Variants in SRMS observed in about 807,000 individuals in gnomAD.
SRMS encodes the protein src-related kinase lacking C-terminal regulatory tyrosine and N-terminal myristylation sites, also known as tyrosine-protein kinase Srms.
A neutral mutation model predicts 43.5 loss-of-function variants in SRMS; 42 were observed. The observed-to-expected ratio is 0.97, with a 90% CI of 0.75 to 1.25. The LOEUF (loss-of-function observed/expected upper bound fraction) is 1.25. SRMS is among the 50% of genes most tolerant of loss of function. The probability of loss-of-function intolerance (pLI) is 0.00; values close to 1 mark genes in which losing one functional copy is unlikely to be tolerated. For synonymous variants in SRMS, 316 were observed against 308.2 expected (o/e 1.03, Z -0.27); for missense variants, 703 against 681.0 (o/e 1.03, Z -0.36).
chr20:63,542,403 C>CG lies in SRMS; in HGVS notation c.787+36dup. 1.9e-6 allele frequency: 3 copies of CG among 1,598,404 alleles called. No individual in the cohort carries two copies. In the East Asian group the frequency reaches 6.7e-5, roughly 36 times the overall value. On this transcript the variant is annotated intron_variant, in intron 4 of 7. Coordinates refer to ENST00000217188, the MANE Select transcript of SRMS (RefSeq NM_080823.4). ...GGGCTTGAGGGTTGGACAGCAGGTGCGGGGCCCGGCCGTGGCGCAGGATCT... is the reference window on the plus strand; with the variant it reads ...GGGCTTGAGGGTTGGACAGCAGGTGCGGGGGCCCGGCCGTGGCGCAGGATCT...
Position 63,543,406 on chromosome 20 carries a change from G to A in SRMS, c.553C>T (p.Arg185Trp), listed in dbSNP as rs368291555. Residue 185 changes from arginine (R) to tryptophan (W), a missense_variant, in exon 3 of 8, where the codon CGG becomes TGG. Transcript: ENST00000217188. ...AGCTCCTCCAGGCCGGGAAAGAGCC[G>A]TCCCTTCTGCAGGTAGAGGCTGCCA... ...ADGSLYLQKG[R>W]LFPGLEELLT... 64 of 1,612,848 alleles carry A rather than the reference G, an allele frequency of 4.0e-5. No homozygotes were observed. Among genetic ancestry groups the A allele is most frequent in the Admixed American group, 1.8e-4 (11 of 60,028 alleles).
Position 63,544,208 on chromosome 20 carries a change from G to C in SRMS, c.478+19C>G. Reference sequence around the variant, plus strand: ...CTGACCTGGTGGGGGACAGAGGCAGGAGGGGCCGCCCCAGGTACCTGACAG... The same window carrying C: ...CTGACCTGGTGGGGGACAGAGGCAGCAGGGGCCGCCCCAGGTACCTGACAG... On this transcript the variant is annotated intron_variant, in intron 2 of 7. Transcript: ENST00000217188. 7.0e-7 allele frequency: 1 copy of C among 1,434,080 alleles called. No individual in the cohort carries two copies. The highest frequency in any genetic ancestry group is 9.2e-7 in the Non-Finnish European group (1 of 1,092,600). 88.8% of individuals were successfully genotyped at this position (1,434,080 alleles called of 1,614,324 possible).
intron 1 of SRMS, 150 bp from the exon 2 acceptor site, chr20:63,544,498 G>T: frequency 9.5e-7 from 1 of 1,054,168 alleles, no homozygotes; most frequent in Non-Finnish European, 1.3e-6. Flanking sequence ...CCAGCTCAAG[G>T]TCTGCACTGC....
intron 5 of SRMS, 94 bp from the exon 6 acceptor site, chr20:63,541,714 C>T: frequency 7.3e-7 from 1 of 1,374,546 alleles, no homozygotes; most frequent in Non-Finnish European, 9.6e-7. Context: ...GCCTCAGCCT[C>T]CTCATCTCTA....
At chr20:63,541,877 A>G (rs1007625108) in intron 5 of SRMS, among the ~76,000 whole-genome samples, 1 of 152,220 alleles carries the variant, frequency 6.6e-6, no homozygotes, top group Non-Finnish European at 1.5e-5. Context: ...GGCTGGGTCT[A>G]TGTCACATTA....
chr20:63,543,511 C>T (rs748460038), intron 2 of SRMS, 31 bp from the exon 3 acceptor site: 6 of 1,605,296 alleles, frequency 3.7e-6, no homozygotes, highest in South Asian at 1.1e-5. Context: ...GAGACCCCTG[C>T]CTTGGCTGCC....
rs780629303 is a variant in SRMS at position 63,543,294 on chromosome 20, C to T, written c.645+20G>A. On this transcript the variant is annotated intron_variant, in intron 3 of 7. Coordinates refer to ENST00000217188, the MANE Select transcript of SRMS (RefSeq NM_080823.4). ...ATGCCTCGGGCCCAGCATGGGGCAG[C>T]TTGGCAGGCACAGGCCCACCTGGGG... 4.8e-5 allele frequency: 77 copies of T among 1,609,946 alleles called. No individual in the cohort carries two copies. The highest frequency in any genetic ancestry group is 3.4e-4 in the Middle Eastern group (2 of 5,890).
Position 63,539,990 on chromosome 20 carries a change from G to A in SRMS, c.*828C>T, listed in dbSNP as rs189314355. Reference sequence around the variant, plus strand: ...ATGCCCTTGGGGCTCACGCTCTCTGGGCACCATGATGTCCTGGGCTGGGGG... The same window carrying A: ...ATGCCCTTGGGGCTCACGCTCTCTGAGCACCATGATGTCCTGGGCTGGGGG... On this transcript the variant is annotated 3_prime_UTR_variant, in exon 8 of 8. Transcript: ENST00000217188. Among the ~76,000 whole-genome samples the A allele has an allele frequency of 3.5e-3, 533 of 152,320 alleles. 4 individuals are homozygous for A. The highest frequency in any genetic ancestry group is 0.012 in the African/African-American group (507 of 41,566).
chr20:63,538,786 G>C lies in SRMS; in HGVS notation c.*2032C>G, dbSNP rs928155319. On this transcript the variant is annotated 3_prime_UTR_variant, in exon 8 of 8. Transcript: ENST00000217188. ...GGCCGGGCAGCGTCCCTCAGAGCCC[G>C]GCCAGACTCTGGGCCCGTGAGTCTA... Among the ~76,000 whole-genome samples the C allele has an allele frequency of 2.0e-5, 3 of 152,074 alleles. No individual in the cohort carries two copies. The highest frequency in any genetic ancestry group is 2.9e-5 in the Non-Finnish European group (2 of 67,966).
chr20:63,541,796 A>G (rs2082705513), intron 5 of SRMS, among the ~76,000 whole-genome samples, 176 bp from the exon 6 acceptor site: 1 of 152,202 alleles, frequency 6.6e-6, no homozygotes, highest in South Asian at 2.1e-4. Context: ...AGGGTCCTGT[A>G]CTCACCACAG....
intron 2 of SRMS, 31 bp downstream of exon 2, chr20:63,544,196 G>T (rs759833644): frequency 7.0e-7 from 1 of 1,421,778 alleles, no homozygotes; most frequent in African/African-American, 1.5e-5. Flanking sequence ...ACCTGGTGGG[G>T]GACAGAGGCA....
chr20:63,546,370 A>G (rs1265294799), intron 1 of SRMS, among the ~76,000 whole-genome samples: 1 of 152,174 alleles, frequency 6.6e-6, no homozygotes, highest in African/African-American at 2.4e-5. Flanking sequence ...GCTGACCCCG[A>G]AGGTCTCCAG....
At chr20:63,543,193 C>A in intron 3 of SRMS, 121 bp downstream of exon 3, 1 of 1,235,526 alleles carries the variant, frequency 8.1e-7, no homozygotes, top group Non-Finnish European at 1.1e-6. Flanking sequence ...CAGGCCTGGG[C>A]AGGGCCCTGG....
In SRMS at chr20:63,540,916, C is replaced by T. The variant is rs310654; in HGVS notation, c.1369G>A (p.Val457Met). 10 of 1,606,330 alleles carry T rather than the reference C, an allele frequency of 6.2e-6. No homozygotes were observed. The highest frequency in any genetic ancestry group is 1.6e-4 in the Middle Eastern group (1 of 6,078). The stretch of plus-strand genomic sequence containing the variant: ...CTCCTCCAGCACTCCAGCATGAGCA[C>T]GTAGACCTCCGCCGGGCAGGCAGCC... ...RPAACPAEVY[V>M]LMLECWRSSP... Residue 457 changes from valine to methionine, a missense_variant, in exon 8 of 8, where the codon GTG becomes ATG. Coordinates refer to ENST00000217188, the MANE Select transcript of SRMS (RefSeq NM_080823.4).
At chr20:63,543,054 G>T (rs1453054569) in intron 3 of SRMS, among the ~76,000 whole-genome samples, 1 of 152,190 alleles carries the variant, frequency 6.6e-6, no homozygotes, top group Non-Finnish European at 1.5e-5. Context: ...CTCCCCTGCA[G>T]AGCTGGGCAC....
rs1406073439 is a variant in SRMS, at chr20:63,541,329, T to C, written c.1147A>G (p.Ser383Gly). 3 of 1,542,008 alleles carry C rather than the reference T, an allele frequency of 1.9e-6. No individual in the cohort carries two copies. The highest frequency in any genetic ancestry group is 2.6e-6 in the Non-Finnish European group (3 of 1,146,526). ...TTGACCGGGATCTTGGAGCTGCTGC[T>C]CGGGGAGTAGATGTCGTCCTGGGGG... ...RLLKDDIYSP[S>G]SSSKIPVKWT... Residue 383 changes from serine (S) to glycine (G), a missense_variant, in exon 7 of 8, where the codon AGC becomes GGC. Transcript: ENST00000217188.
intron 1 of SRMS, among the ~76,000 whole-genome samples, chr20:63,546,445 T>G (rs914799965): frequency 7.5e-5 from 11 of 146,140 alleles, no homozygotes; most frequent in African/African-American, 2.8e-4. Flanking sequence ...GCACTGGGCA[T>G]CTGGACTAGG....
rs769815109 is a variant in SRMS, at chr20:63,541,501, C to G, written c.1066G>C (p.Val356Leu). Reference protein sequence around the residue: ...VVHRDLAARNVLVDDGLACKV... With the variant: ...VVHRDLAARNLLVDDGLACKV... ...CAGGCCAGGCCGTCGTCCACGAGCA[C>G]GTTCCGGGCGGCCAAGTCCCGGTGC... is the stretch of plus-strand genomic sequence containing the variant. The change falls in exon 6 of 8, where the codon GTG becomes CTG. Residue 356 changes from valine to leucine, a missense_variant. By Grantham distance (32) the Val-to-Leu change is conservative. Transcript: ENST00000217188. 1 of 1,608,048 alleles carries G rather than the reference C, an allele frequency of 6.2e-7. No individual in the cohort carries two copies. The highest frequency in any genetic ancestry group is 1.3e-5 in the African/African-American group (1 of 74,964).
Position 63,547,392 on chromosome 20 carries a change from G to A in SRMS, c.72C>T (p.Gly24=), listed in dbSNP as rs780114763. 28 of 1,555,226 alleles carry A rather than the reference G, an allele frequency of 1.8e-5. No homozygotes were observed. Among genetic ancestry groups the A allele is most frequent in the African/African-American group, 1.1e-4 (8 of 72,810 alleles). Residue 24 remains glycine, a synonymous_variant, in exon 1 of 8, where the codon GGC becomes GGT. Coordinates refer to ENST00000217188, the MANE Select transcript of SRMS (RefSeq NM_080823.4). ...ACCCGGGGGTGCCATGGTCCGGCTC[G>A]CCGCCCGCCGGCCAGATCTTGTCCC... ...FFWDKIWPAG[G]EPDHGTPGSL...
Sources: gnomAD v4.1 joint callset for allele counts (sites outside exome capture counted in the v4.1 genomes callset) on GRCh38, gnomAD v4.1.1 for gene constraint, MANE v1.5 for transcripts, NCBI Gene and HGNC (gene_info 2026-07-23, HGNC 2026-07-21) for gene names.